TIAM1: variants seen among roughly 807,000 people sequenced by gnomAD.
The protein encoded by TIAM1 is TIAM Rac1 associated GEF 1, also known as rho guanine nucleotide exchange factor TIAM1.
TIAM1 carries 65 observed loss-of-function variants against 163.5 expected under a neutral mutation model. That is an observed-to-expected ratio of 0.40 (90% confidence interval 0.33 to 0.49). The LOEUF is 0.49. Among genes scored for constraint, TIAM1 ranks in the 20% least tolerant of loss-of-function variants. The pLI is 0.77. For missense variants in TIAM1, 1,789 were observed against 2,044.7 expected, an observed-to-expected ratio of 0.87 and a Z score of 2.41; for synonymous variants, 833 against 810.1, an observed-to-expected ratio of 1.03 and a Z score of -0.48.
At chr21:31,509,864 C>A (rs1355665244) in intron 1 of TIAM1, among the ~76,000 whole-genome samples, 1 of 152,168 alleles carries the variant, frequency 6.6e-6, no homozygotes, top group Non-Finnish European at 1.5e-5. Context: ...AGGGATGAGT[C>A]AGCCAATTAC....
At chr21:31,239,215 T>A (rs2071042279) in intron 6 of TIAM1, among the ~76,000 whole-genome samples, 1 of 152,114 alleles carries the variant, frequency 6.6e-6, no homozygotes, top group Non-Finnish European at 1.5e-5. Context: ...CTTGACCTCC[T>A]TGGTGCAAGT....
intron 2 of TIAM1, among the ~76,000 whole-genome samples, chr21:31,379,116 C>A (rs2076736418): frequency 1.3e-5 from 2 of 152,148 alleles, no homozygotes; most frequent in Admixed American, 1.3e-4. Context: ...AGATTACAGG[C>A]ACCCGCCACC....
chr21:31,408,719 T>C (rs2077291165), intron 2 of TIAM1, among the ~76,000 whole-genome samples: 1 of 152,218 alleles, frequency 6.6e-6, no homozygotes. Context: ...CCCCATGTCT[T>C]AGATTAGTTC....
chr21:31,217,144 T>C (rs1360112547), intron 9 of TIAM1, among the ~76,000 whole-genome samples: 2 of 151,586 alleles, frequency 1.3e-5, no homozygotes, highest in South Asian at 2.1e-4. Context: ...GAGGTGGAGG[T>C]TGCAGTCAGC....
intron 2 of TIAM1, among the ~76,000 whole-genome samples, chr21:31,329,325 A>G (rs2075599709): frequency 6.6e-6 from 1 of 152,240 alleles, no homozygotes; most frequent in African/African-American, 2.4e-5. Flanking sequence ...AAAGTCAAAG[A>G]CAACCCGCAA....
chr21:31,265,014 C>A (rs1196242406), intron 4 of TIAM1, among the ~76,000 whole-genome samples: 3 of 152,132 alleles, frequency 2.0e-5, no homozygotes, highest in African/African-American at 7.2e-5. Context: ...TTCTTTCTTT[C>A]TTTCTTTTAT....
intron 14 of TIAM1, among the ~76,000 whole-genome samples, chr21:31,184,534 G>A (rs1438440459): frequency 6.6e-6 from 1 of 152,170 alleles, no homozygotes; most frequent in Non-Finnish European, 1.5e-5. Context: ...ACAGAGCAAG[G>A]GGGTTAGTAC....
chr21:31,244,451 G>A (rs547757553), intron 6 of TIAM1, among the ~76,000 whole-genome samples: 163 of 152,272 alleles, frequency 1.1e-3, no homozygotes, highest in Non-Finnish European at 1.6e-3. Flanking sequence ...TCAGCTGGGC[G>A]CAGTGGCTTA....
chr21:31,402,199 G>C (rs779230983), intron 2 of TIAM1, among the ~76,000 whole-genome samples: 34 of 151,912 alleles, frequency 2.2e-4, no homozygotes, highest in Non-Finnish European at 2.6e-4. Context: ...GCGACAGAGT[G>C]AGACTCTGTC....
chr21:31,417,863 G>C (rs2043427679), intron 2 of TIAM1, among the ~76,000 whole-genome samples: 2 of 152,146 alleles, frequency 1.3e-5, no homozygotes, highest in African/African-American at 4.8e-5. Flanking sequence ...TCCAGGTAGA[G>C]AGACACAGGA....
intron 20 of TIAM1, among the ~76,000 whole-genome samples, chr21:31,145,387 T>A (rs2083063322): frequency 6.6e-6 from 1 of 152,248 alleles, no homozygotes. Context: ...TCCGGGGACC[T>A]GATCAGCAGC....
At chr21:31,527,697 A>G (rs1055649532) in intron 1 of TIAM1, among the ~76,000 whole-genome samples, 1 of 151,712 alleles carries the variant, frequency 6.6e-6, no homozygotes, top group Non-Finnish European at 1.5e-5. Flanking sequence ...ACCCCATTCC[A>G]CCCTGTCACT....
intron 6 of TIAM1, among the ~76,000 whole-genome samples, chr21:31,241,755 C>A (rs74911250): frequency 0.023 from 3,517 of 152,228 alleles, 108 homozygotes; most frequent in African/African-American, 0.076. Context: ...GCCTATCATC[C>A]CAGTGGGTTG....
chr21:31,359,511 AGGGCC>A (rs1052177710), intron 2 of TIAM1, among the ~76,000 whole-genome samples: 36 of 152,184 alleles, frequency 2.4e-4, no homozygotes, highest in African/African-American at 7.2e-4. Flanking sequence ...ATACAGTGAA[AGGGCC>A]GGGCATGGTG....
At chr21:31,539,181 T>C (rs960995598) in intron 1 of TIAM1, among the ~76,000 whole-genome samples, 13 of 151,660 alleles carry the variant, frequency 8.6e-5, no homozygotes, top group Admixed American at 7.2e-4. Context: ...CATTCTTAAA[T>C]GGTCTCGACT....
In TIAM1 at chr21:31,124,514, C is replaced by G; in HGVS notation, c.4306+8G>C. The G allele has an allele frequency of 6.2e-7, 1 of 1,612,392 alleles. No homozygotes were observed. Among genetic ancestry groups the G allele is most frequent in the Non-Finnish European group, 8.5e-7 (1 of 1,179,794 alleles). On this transcript the variant is annotated splice_region_variant and intron_variant, in intron 27 of 27. Transcript: ENST00000541036. Reference sequence around the variant, plus strand: ...CGGGAATCTTGAACGTCCGAATCCCCACAGTACCTGCCCTGCTCATGGCCG... The same window carrying G: ...CGGGAATCTTGAACGTCCGAATCCCGACAGTACCTGCCCTGCTCATGGCCG...
chr21:31,288,231 T>C (rs1718898106), intron 2 of TIAM1, among the ~76,000 whole-genome samples: 2 of 152,020 alleles, frequency 1.3e-5, no homozygotes, highest in South Asian at 4.2e-4. Flanking sequence ...AGAACAGCAA[T>C]ACAGTTAAAA....
chr21:31,394,939 A>G (rs999287074), intron 2 of TIAM1, among the ~76,000 whole-genome samples: 4 of 152,052 alleles, frequency 2.6e-5, no homozygotes, highest in Non-Finnish European at 4.4e-5. Context: ...AGGCATTATT[A>G]TAAAACTAGT....
chr21:31,519,471 T>G (rs1322967619), intron 1 of TIAM1, among the ~76,000 whole-genome samples: 1 of 139,644 alleles, frequency 7.2e-6, no homozygotes, highest in African/African-American at 2.7e-5. Flanking sequence ...ATCGCACTAC[T>G]GCACTCCAGC....
Sources: allele counts gnomAD v4.1 joint callset (sites outside exome capture counted in the v4.1 genomes callset), GRCh38; gene constraint gnomAD v4.1.1; transcripts MANE v1.5; gene names NCBI Gene and HGNC (gene_info 2026-07-23, HGNC 2026-07-21).